The following SLC9A9 variants were observed in gnomAD, a reference collection of about 807,000 sequenced individuals.
The protein encoded by SLC9A9 is solute carrier family 9 member A9.
A neutral mutation model predicts 77.8 loss-of-function variants in SLC9A9; 62 were observed. The ratio of observed to expected loss-of-function variants is 0.80; its 90% CI spans 0.65 to 0.98. The LOEUF is 0.98. SLC9A9 is among the 50% of genes least tolerant of loss of function. SLC9A9 has a pLI of 0.00. For synonymous variants in SLC9A9, 320 were observed against 283.5 expected, an observed-to-expected ratio of 1.13 and a Z score of -1.29; for missense variants, 775 against 774.9, an observed-to-expected ratio of 1.00 and a Z score of 0.00.
chr3:143,552,851 T>C (rs7611771), intron 8 of SLC9A9, among the ~76,000 whole-genome samples: 35,804 of 152,096 alleles, frequency 0.24, 4,325 homozygotes, highest in African/African-American at 0.3. Flanking sequence ...TTCTGAAAGA[T>C]ATTTGCTTTC....
At chr3:143,338,203 T>TA (rs923279029) in intron 14 of SLC9A9, among the ~76,000 whole-genome samples, 5 of 152,228 alleles carry the variant, frequency 3.3e-5, no homozygotes, top group African/African-American at 1.2e-4. Context: ...GTCAAAGTGT[T>TA]ATGGCCATCA....
Position 143,265,810 on chromosome 3 carries a change from A to G in SLC9A9, c.*892T>C, listed in dbSNP as rs1937691035. 7.1e-6 allele frequency: 4 copies of G among 560,948 alleles called. No homozygotes were observed. Among genetic ancestry groups the G allele is most frequent in the South Asian group, 2.4e-5 (1 of 41,082 alleles). The allele number at this position is 560,948 out of a possible 1,614,324, so 34.7% of individuals were successfully genotyped here. A position where few individuals can be genotyped will look rare whatever the true frequency, so the allele number is the denominator to read the frequency against. ...GCTGTGAATGCTGGAATTGGAGGACAGGTTGGGGCTCCTGCACAGTCTGCT... is the reference window on the plus strand; with the variant it reads ...GCTGTGAATGCTGGAATTGGAGGACGGGTTGGGGCTCCTGCACAGTCTGCT... On this transcript the variant is annotated 3_prime_UTR_variant, in exon 16 of 16. Coordinates refer to ENST00000316549, the MANE Select transcript of SLC9A9 (RefSeq NM_173653.4).
chr3:143,815,049 G>A (rs1403758589), intron 2 of SLC9A9, among the ~76,000 whole-genome samples: 1 of 152,060 alleles, frequency 6.6e-6, no homozygotes, highest in Non-Finnish European at 1.5e-5. Flanking sequence ...GGCCACAAAA[G>A]GGAAGGAAGG....
chr3:143,778,916 T>G (rs2007782688), intron 4 of SLC9A9, among the ~76,000 whole-genome samples: 1 of 152,232 alleles, frequency 6.6e-6, no homozygotes, highest in African/African-American at 2.4e-5. Context: ...TGTAATTTTC[T>G]CTAGAGATTA....
chr3:143,408,611 C>T (rs765287455), intron 12 of SLC9A9, among the ~76,000 whole-genome samples: 5 of 152,158 alleles, frequency 3.3e-5, no homozygotes, highest in Non-Finnish European at 7.4e-5. Flanking sequence ...CTAAGCTATG[C>T]GAAATTCTCC....
At chr3:143,838,601 T>C (rs1690226037) in intron 1 of SLC9A9, among the ~76,000 whole-genome samples, 1 of 152,180 alleles carries the variant, frequency 6.6e-6, no homozygotes. Context: ...ATTTAGTCTA[T>C]ATTTACATAA....
chr3:143,524,480 G>A (rs368402007), intron 9 of SLC9A9, among the ~76,000 whole-genome samples: 6 of 152,248 alleles, frequency 3.9e-5, no homozygotes, highest in Admixed American at 6.5e-5. Flanking sequence ...AGATCGTGCC[G>A]TGACTACATT....
intron 4 of SLC9A9, among the ~76,000 whole-genome samples, chr3:143,746,793 C>A (rs1184526924): frequency 6.6e-6 from 1 of 152,062 alleles, no homozygotes; most frequent in Non-Finnish European, 1.5e-5. Context: ...GCTAAAATGT[C>A]TTGCTTTCTC....
At chr3:143,296,125 T>C (rs533492936) in intron 14 of SLC9A9, among the ~76,000 whole-genome samples, 30 of 152,218 alleles carry the variant, frequency 2.0e-4, no homozygotes, top group Non-Finnish European at 2.9e-4. Context: ...AATAATAGTA[T>C]TGTTAACTGT....
chr3:143,588,770 T>A (rs2037598404), intron 6 of SLC9A9, among the ~76,000 whole-genome samples: 1 of 152,222 alleles, frequency 6.6e-6, no homozygotes, highest in South Asian at 2.1e-4. Flanking sequence ...CTTATTTCTT[T>A]TTCTTTCTTT....
intron 13 of SLC9A9, among the ~76,000 whole-genome samples, chr3:143,363,986 T>C (rs1410712179): frequency 2.0e-5 from 3 of 152,206 alleles, no homozygotes; most frequent in Non-Finnish European, 4.4e-5. Flanking sequence ...ATTCATTTTG[T>C]TTGATAGATT....
At chr3:143,801,698 A>G (rs1340700232) in intron 2 of SLC9A9, among the ~76,000 whole-genome samples, 1 of 152,164 alleles carries the variant, frequency 6.6e-6, no homozygotes, top group African/African-American at 2.4e-5. Flanking sequence ...AAGGCAGGCT[A>G]TGCTATATAT....
chr3:143,810,473 T>G (rs1020603864), intron 2 of SLC9A9, among the ~76,000 whole-genome samples: 2 of 152,226 alleles, frequency 1.3e-5, no homozygotes, highest in African/African-American at 4.8e-5. Context: ...CTGACAACAT[T>G]CTCAAGTGGT....
At chr3:143,765,119 C>A (rs1236854073) in intron 4 of SLC9A9, among the ~76,000 whole-genome samples, 2 of 140,616 alleles carry the variant, frequency 1.4e-5, no homozygotes, top group African/African-American at 5.3e-5. Flanking sequence ...CTTTTTCTTT[C>A]TTTCTCTCTT....
intron 11 of SLC9A9, among the ~76,000 whole-genome samples, chr3:143,475,930 C>T (rs2035469422): frequency 1.3e-5 from 2 of 151,714 alleles, no homozygotes; most frequent in African/African-American, 4.8e-5. Context: ...CCTGTCTTTC[C>T]ATTTGGGACA....
At chr3:143,775,293 T>C (rs1488822408) in intron 4 of SLC9A9, among the ~76,000 whole-genome samples, 2 of 152,202 alleles carry the variant, frequency 1.3e-5, no homozygotes, top group Non-Finnish European at 2.9e-5. Flanking sequence ...AGGTATTCAG[T>C]AATTAATACC....
chr3:143,510,611 C>T (rs72991960), intron 9 of SLC9A9, among the ~76,000 whole-genome samples: 3,095 of 152,160 alleles, frequency 0.02, 100 homozygotes, highest in African/African-American at 0.069. Context: ...TTCTTGTACC[C>T]GCTTCATATT....
rs565944286 is a variant in SLC9A9, at chr3:143,288,270, A to C, written c.1605-19290T>G. On this transcript the variant is annotated intron_variant, in intron 14 of 15. Coordinates refer to ENST00000316549, the MANE Select transcript of SLC9A9 (RefSeq NM_173653.4). ...CTGGGCTCCAGTTATTAAAAAAAAA[A>C]ACAAAACAAAACCAAAGAACATATC... Among the ~76,000 whole-genome samples the C allele has an allele frequency of 5.3e-5, 8 of 152,056 alleles. No homozygotes were observed. In the East Asian group the frequency reaches 9.6e-4, roughly 18 times the overall value.
Position 143,547,961 on chromosome 3 carries a change from G to A in SLC9A9, c.1089+4401C>T, listed in dbSNP as rs145870986. Among the ~76,000 whole-genome samples, 283 of 152,232 alleles carry A rather than the reference G, an allele frequency of 1.9e-3. 1 individual carries two copies. Among genetic ancestry groups the A allele is most frequent in the African/African-American group, 6.5e-3 (270 of 41,546 alleles). On this transcript the variant is annotated intron_variant, in intron 9 of 15. Transcript: ENST00000316549. ...CTTGAGCAATGGCTGGCACAAAGTAGGCTCTCAAAAAAAATTTGTTCAATG... is the reference window on the plus strand; with the variant it reads ...CTTGAGCAATGGCTGGCACAAAGTAAGCTCTCAAAAAAAATTTGTTCAATG...
Sources: allele counts gnomAD v4.1 joint callset (sites outside exome capture counted in the v4.1 genomes callset), GRCh38; gene constraint gnomAD v4.1.1; transcripts MANE v1.5; gene names NCBI Gene and HGNC (gene_info 2026-07-23, HGNC 2026-07-21).